The following RALGAPA1 variants were observed in gnomAD, a reference collection of about 807,000 sequenced individuals.
RALGAPA1 encodes ral GTPase-activating protein subunit alpha-1.
A neutral mutation model predicts 269.6 loss-of-function variants in RALGAPA1; 52 were observed. The ratio of observed to expected loss-of-function variants is 0.19; its 90% CI spans 0.15 to 0.24. The LOEUF is 0.24. Ranked by LOEUF, RALGAPA1 falls within the 10% of genes least tolerant of loss-of-function variation. The pLI is 1.00. For synonymous variants in RALGAPA1, 817 were observed against 1,008.3 expected (o/e 0.81, Z 3.60); for missense variants, 1,917 against 3,013.9 (o/e 0.64, Z 8.52).
chr14:35,658,055 A>G (rs2063313717), intron 28 of RALGAPA1, among the ~76,000 whole-genome samples: 1 of 152,178 alleles, frequency 6.6e-6, no homozygotes. Flanking sequence ...CTTACTGTTA[A>G]CTTTCTAAGC....
intron 19 of RALGAPA1, 77 bp from the exon 20 acceptor site, chr14:35,685,222 A>G: frequency 7.9e-7 from 1 of 1,264,650 alleles, no homozygotes; most frequent in Non-Finnish European, 1.1e-6. Context: ...TTAATTTCCA[A>G]ACCATCACAA....
chr14:35,790,043 G>A (rs541624210), intron 1 of RALGAPA1, among the ~76,000 whole-genome samples: 38 of 151,900 alleles, frequency 2.5e-4, no homozygotes, highest in Admixed American at 9.2e-4. Context: ...TCTTGAAGCC[G>A]GGAGTTTGAG....
chr14:35,589,933 A>G lies in RALGAPA1; in HGVS notation c.7209+5701T>C, dbSNP rs566115446. Among the ~76,000 whole-genome samples the G allele has an allele frequency of 1.9e-4, 29 of 152,186 alleles. No homozygotes were observed. In the South Asian group the frequency reaches 6.0e-3, roughly 32 times the overall value. The stretch of plus-strand genomic sequence containing the variant: ...GATATCGAACTCCTGAGCTTGAGCA[A>G]TCCTCCCACCTTAGCCTCCCAAAGT... On this transcript the variant is annotated intron_variant, in intron 37 of 41. Coordinates refer to ENST00000680220, the MANE Select transcript of RALGAPA1 (RefSeq NM_001346249.2).
chr14:35,741,085 A>T (rs1327409061), intron 11 of RALGAPA1, among the ~76,000 whole-genome samples: 1 of 152,096 alleles, frequency 6.6e-6, no homozygotes, highest in African/African-American at 2.4e-5. Context: ...CATACCTAAC[A>T]TCACCAATCT....
At chr14:35,629,032 G>A (rs1414165890) in intron 33 of RALGAPA1, among the ~76,000 whole-genome samples, 1 of 152,144 alleles carries the variant, frequency 6.6e-6, no homozygotes, top group Non-Finnish European at 1.5e-5. Context: ...CACAGAGACA[G>A]TAACGAGGTA....
intron 16 of RALGAPA1, among the ~76,000 whole-genome samples, chr14:35,705,777 A>G (rs1016539071): frequency 6.6e-6 from 1 of 152,210 alleles, no homozygotes; most frequent in African/African-American, 2.4e-5. Context: ...TTCCACCACC[A>G]GTGAGAGTTC....
chr14:35,769,035 AATATATATATAT>A (rs200538547), intron 4 of RALGAPA1, among the ~76,000 whole-genome samples: 761 of 58,232 alleles, frequency 0.013, 21 homozygotes, highest in East Asian at 0.062. Context: ...AAAAAAAAAA[AATATATATATAT>A]ATATATATAT....
At chr14:35,540,688 AT>A (rs1483141443) in intron 41 of RALGAPA1, among the ~76,000 whole-genome samples, 1 of 152,334 alleles carries the variant, frequency 6.6e-6, no homozygotes, top group East Asian at 1.9e-4. Flanking sequence ...ACAGCAAGAG[AT>A]TCTGGATATT....
intron 21 of RALGAPA1, among the ~76,000 whole-genome samples, chr14:35,682,324 G>C (rs2065513445): frequency 1.3e-5 from 2 of 150,366 alleles, no homozygotes; most frequent in Admixed American, 1.3e-4. Flanking sequence ...TTTTTGAGAC[G>C]GAGTCTTGCT....
intron 21 of RALGAPA1, among the ~76,000 whole-genome samples, chr14:35,678,542 T>C (rs1350858813): frequency 6.6e-6 from 1 of 152,202 alleles, no homozygotes; most frequent in Non-Finnish European, 1.5e-5. Context: ...TCCCACATCC[T>C]GACTTCCCCC....
chr14:35,542,504 T>C (rs2054103678), intron 41 of RALGAPA1: 1 of 152,654 alleles, frequency 6.6e-6, no homozygotes, highest in Non-Finnish European at 1.5e-5. Context: ...GTGTGGTGTA[T>C]AGTTATCAGT....
At chr14:35,787,439 C>A (rs530966765) in intron 1 of RALGAPA1, among the ~76,000 whole-genome samples, 5 of 152,272 alleles carry the variant, frequency 3.3e-5, no homozygotes, top group Admixed American at 3.3e-4. Context: ...TTTTTGGTAA[C>A]ACAAACACAC....
At chr14:35,728,159 A>G (rs1308931103) in intron 13 of RALGAPA1, among the ~76,000 whole-genome samples, 1 of 152,228 alleles carries the variant, frequency 6.6e-6, no homozygotes, top group Non-Finnish European at 1.5e-5. Context: ...AGACAGTCCA[A>G]GGGGTCTTGC....
chr14:35,779,950 T>C (rs2075320208), intron 1 of RALGAPA1, among the ~76,000 whole-genome samples: 1 of 152,076 alleles, frequency 6.6e-6, no homozygotes, highest in South Asian at 2.1e-4. Context: ...GGTGAAACCC[T>C]GTCTCTACTA....
At chr14:35,806,715 G>C (rs2077410329) in intron 1 of RALGAPA1, among the ~76,000 whole-genome samples, 2 of 152,270 alleles carry the variant, frequency 1.3e-5, no homozygotes, top group African/African-American at 4.8e-5. Flanking sequence ...AACTGGCAAT[G>C]CCCAATTACT....
In RALGAPA1 at chr14:35,650,462, T is replaced by C. The variant is rs1224676541; in HGVS notation, c.5676+1343A>G. Among the ~76,000 whole-genome samples, 5 of 152,092 alleles carry C rather than the reference T, an allele frequency of 3.3e-5. No homozygotes were observed. In the East Asian group the frequency reaches 9.6e-4, roughly 29 times the overall value. ...TCTCTTTTAAAGATGAAGATGATGA[T>C]GATAAAGTATTTATCAAGAGCTAAA... is the stretch of plus-strand genomic sequence containing the variant. On this transcript the variant is annotated intron_variant, in intron 31 of 41. Coordinates refer to ENST00000680220, the MANE Select transcript of RALGAPA1 (RefSeq NM_001346249.2).
chr14:35,766,189 A>G (rs1450918843), intron 4 of RALGAPA1: 6 of 835,294 alleles, frequency 7.2e-6, no homozygotes, highest in Middle Eastern at 3.1e-4. Flanking sequence ...GTTTCCCATC[A>G]TGGTCTCATT....
intron 1 of RALGAPA1, among the ~76,000 whole-genome samples, chr14:35,779,861 C>T (rs150291015): frequency 0.019 from 2,887 of 152,250 alleles, 91 homozygotes; most frequent in African/African-American, 0.066. Context: ...CAGTGGCTCA[C>T]GCCTATAATC....
At chr14:35,545,923 A>T (rs1037178896) in intron 41 of RALGAPA1, among the ~76,000 whole-genome samples, 1 of 152,134 alleles carries the variant, frequency 6.6e-6, no homozygotes, top group African/African-American at 2.4e-5. Context: ...ATATGAAAAA[A>T]CTTTAAGAAG....
Sources: gnomAD v4.1 joint callset for allele counts (sites outside exome capture counted in the v4.1 genomes callset) on GRCh38, gnomAD v4.1.1 for gene constraint, MANE v1.5 for transcripts, NCBI Gene and HGNC (gene_info 2026-07-23, HGNC 2026-07-21) for gene names.